RASGRP3: variants seen among roughly 807,000 people sequenced by gnomAD.
RASGRP3 encodes the protein ras guanyl-releasing protein 3.
A neutral mutation model predicts 82.7 loss-of-function variants in RASGRP3; 54 were observed. The ratio of observed to expected loss-of-function variants is 0.65; its 90% CI spans 0.52 to 0.82. The LOEUF (loss-of-function observed/expected upper bound fraction) is 0.82, where lower values mean the gene tolerates loss of function less well. Ranked by LOEUF, RASGRP3 falls within the 40% of genes least tolerant of loss-of-function variation. RASGRP3 has a pLI of 0.00. For missense variants in RASGRP3, 861 were observed against 828.9 expected (o/e 1.04, Z -0.48); for synonymous variants, 309 against 300.5 (o/e 1.03, Z -0.29).
intron 1 of RASGRP3, among the ~76,000 whole-genome samples, chr2:33,507,610 C>T (rs963261603): frequency 6.6e-6 from 1 of 152,212 alleles, no homozygotes; most frequent in African/African-American, 2.4e-5. Context: ...CCTGCAACCT[C>T]CACCTCCCAG....
At position 33,563,595 on chromosome 2, in the gene RASGRP3, C is replaced by CAAAT. The variant is rs1179971948; in HGVS notation, c.*859_*860insAATA. 1 of 151,746 alleles carries CAAAT rather than the reference C, an allele frequency of 6.6e-6. No individual in the cohort carries two copies. Among genetic ancestry groups the CAAAT allele is most frequent in the Non-Finnish European group, 1.5e-5 (1 of 67,942 alleles). The allele number at this position is 151,746 out of a possible 1,614,324, so 9.4% of individuals were successfully genotyped here. ...AATTAATTCAAGTTTTGACGGTTAA[C>CAAAT]ATTTAGCAGAAAAACAAACCATTGA... On this transcript the variant is annotated 3_prime_UTR_variant, in exon 18 of 18. Transcript: ENST00000403687.
At chr2:33,491,566 T>C (rs1483542010) in intron 1 of RASGRP3, among the ~76,000 whole-genome samples, 1 of 152,268 alleles carries the variant, frequency 6.6e-6, no homozygotes, top group African/African-American at 2.4e-5. Context: ...AGACATTAAC[T>C]ACATACAAAA....
At chr2:33,507,715 G>A (rs553517260) in intron 1 of RASGRP3, among the ~76,000 whole-genome samples, 3 of 152,138 alleles carry the variant, frequency 2.0e-5, no homozygotes, top group East Asian at 3.9e-4. Flanking sequence ...TATTAGAGAT[G>A]GGGTTTCACC....
At chr2:33,439,825 GC>G (rs1458587379) in intron 1 of RASGRP3, among the ~76,000 whole-genome samples, 1 of 152,108 alleles carries the variant, frequency 6.6e-6, no homozygotes, top group Non-Finnish European at 1.5e-5. Flanking sequence ...GACACCTGGG[GC>G]CGATGAGAAG....
At chr2:33,485,857 A>G (rs1358276571) in intron 1 of RASGRP3, among the ~76,000 whole-genome samples, 2 of 152,242 alleles carry the variant, frequency 1.3e-5, no homozygotes, top group East Asian at 1.9e-4. Flanking sequence ...GTAAGAATTG[A>G]AGGTTTGTCT....
At chr2:33,464,204 C>T (rs888884663) in intron 2 of RASGRP3, among the ~76,000 whole-genome samples, 6 of 145,864 alleles carry the variant, frequency 4.1e-5, no homozygotes, top group Admixed American at 2.1e-4. Context: ...CTGCAACCTC[C>T]GCCTCCTGGG....
At chr2:33,464,717 T>C (rs1047275596) in intron 2 of RASGRP3, among the ~76,000 whole-genome samples, 1 of 152,208 alleles carries the variant, frequency 6.6e-6, no homozygotes, top group Admixed American at 6.5e-5. Flanking sequence ...GCCCCAGCAA[T>C]TGTCCTACCT....
intron 1 of RASGRP3, among the ~76,000 whole-genome samples, chr2:33,498,345 T>C (rs938378513): frequency 1.3e-5 from 2 of 152,210 alleles, no homozygotes; most frequent in African/African-American, 4.8e-5. Context: ...AACCACACAG[T>C]TAGAAAGTTC....
intron 2 of RASGRP3, among the ~76,000 whole-genome samples, chr2:33,451,062 C>T (rs1449100492): frequency 3.3e-5 from 5 of 151,512 alleles, no homozygotes; most frequent in East Asian, 1.9e-4. Context: ...AGGATGGTCT[C>T]GATCTCCTGA....
chr2:33,472,644 G>A (rs549095664), upstream of RASGRP3, among the ~76,000 whole-genome samples: 2 of 152,180 alleles, frequency 1.3e-5, no homozygotes, highest in African/African-American at 2.4e-5. Context: ...TTCAAGGGGT[G>A]GTTGGTCAGT....
At chr2:33,488,801 G>A (rs1244208720) in intron 1 of RASGRP3, among the ~76,000 whole-genome samples, 1 of 152,202 alleles carries the variant, frequency 6.6e-6, no homozygotes, top group African/African-American at 2.4e-5. Flanking sequence ...AAGTTGAGAT[G>A]ATGTCTAAAA....
intron 10 of RASGRP3, among the ~76,000 whole-genome samples, chr2:33,529,833 C>A (rs532844429): frequency 6.7e-6 from 1 of 149,340 alleles, no homozygotes; most frequent in South Asian, 2.1e-4. Flanking sequence ...GATGTAAGAA[C>A]CAGTGGAGCC....
intron 10 of RASGRP3, among the ~76,000 whole-genome samples, chr2:33,530,168 T>C (rs1351311158): frequency 1.3e-5 from 2 of 152,222 alleles, no homozygotes; most frequent in African/African-American, 2.4e-5. Flanking sequence ...GGCATCCACA[T>C]GCCAGCATTG....
At chr2:33,553,452 A>G (rs907247869) in intron 14 of RASGRP3, among the ~76,000 whole-genome samples, 2 of 152,196 alleles carry the variant, frequency 1.3e-5, no homozygotes, top group African/African-American at 4.8e-5. Flanking sequence ...GTTAACTATC[A>G]TCATTATTAT....
chr2:33,484,671 G>A (rs1352266110), intron 1 of RASGRP3, among the ~76,000 whole-genome samples: 1 of 151,930 alleles, frequency 6.6e-6, no homozygotes, highest in Non-Finnish European at 1.5e-5. Context: ...TCTCTTCTAG[G>A]CATTTAAATT....
At chr2:33,485,293 G>C (rs1166045234) in intron 1 of RASGRP3, among the ~76,000 whole-genome samples, 2 of 152,214 alleles carry the variant, frequency 1.3e-5, no homozygotes, top group African/African-American at 4.8e-5. Flanking sequence ...TCATTGTCAT[G>C]CCTAATACAT....
intron 1 of RASGRP3, among the ~76,000 whole-genome samples, chr2:33,511,010 G>A (rs10495792): frequency 0.15 from 22,516 of 152,080 alleles, 2,661 homozygotes; most frequent in African/African-American, 0.32. Flanking sequence ...GTTAATGAAC[G>A]TCCTTTTGCT....
intron 1 of RASGRP3, among the ~76,000 whole-genome samples, chr2:33,483,265 T>C (rs532822912): frequency 6.6e-6 from 1 of 152,314 alleles, no homozygotes; most frequent in Non-Finnish European, 1.5e-5. Context: ...TGCTGCCTTA[T>C]CTTTGTTGGT....
Position 33,558,899 on chromosome 2 carries a change from G to A in RASGRP3, c.1933G>A (p.Ala645Thr). The change falls in exon 17 of 18, where the codon GCA becomes ACA. Residue 645 changes from alanine (A) to threonine (T), a missense_variant. Physicochemically the swap from Ala to Thr is moderately conservative, Grantham distance 58. Coordinates refer to ENST00000403687, the MANE Select transcript of RASGRP3 (RefSeq NM_001139488.2). ...GAAATCCAAGTTCCATGACAAAGCA[G>A]CAAAGGACAAAGGCTTTGCCAAATG... Reference protein sequence around the residue: ...KMKSKFHDKAAKDKGFAKWEN... With the variant: ...KMKSKFHDKATKDKGFAKWEN... 1 of 1,614,018 alleles carries A rather than the reference G, an allele frequency of 6.2e-7. No homozygotes were observed. Among genetic ancestry groups the A allele is most frequent in the Non-Finnish European group, 8.5e-7 (1 of 1,179,906 alleles).
Sources: gnomAD v4.1 joint callset for allele counts (sites outside exome capture counted in the v4.1 genomes callset) on GRCh38, gnomAD v4.1.1 for gene constraint, MANE v1.5 for transcripts, NCBI Gene and HGNC (gene_info 2026-07-23, HGNC 2026-07-21) for gene names.